AMOTL1: variants seen among roughly 807,000 people sequenced by gnomAD.
The protein encoded by AMOTL1 is angiomotin like 1, also known as angiomotin-like protein 1.
AMOTL1 carries 45 observed loss-of-function variants against 102.9 expected under a neutral mutation model. The observed-to-expected ratio is 0.44, with a 90% CI of 0.34 to 0.56. The LOEUF (loss-of-function observed/expected upper bound fraction) is 0.56. Among genes scored for constraint, AMOTL1 ranks in the 20% least tolerant of loss-of-function variants. The pLI is 0.01. For synonymous variants in AMOTL1, 481 were observed against 484.7 expected, an observed-to-expected ratio of 0.99 and a Z score of 0.10; for missense variants, 1,114 against 1,225.6, an observed-to-expected ratio of 0.91 and a Z score of 1.36.
intron 2 of AMOTL1, among the ~76,000 whole-genome samples, chr11:94,797,524 G>T (rs1394352739): frequency 2.6e-5 from 4 of 152,154 alleles, no homozygotes; most frequent in Non-Finnish European, 4.4e-5. Flanking sequence ...ATAAATAATT[G>T]CCATCTACTG....
At chr11:94,709,975 G>A (rs181468474) in intron 1 of AMOTL1, among the ~76,000 whole-genome samples, 32 of 152,218 alleles carry the variant, frequency 2.1e-4, no homozygotes, top group Middle Eastern at 3.4e-3. Context: ...AAAAAGACTC[G>A]AGAAAGAGAC....
rs1185013023 is a variant in AMOTL1 at position 94,830,141 on chromosome 11, A to G, written c.1505A>G (p.Asn502Ser). 6.2e-6 allele frequency: 10 copies of G among 1,611,140 alleles called. No homozygotes were observed. In the African/African-American group the frequency reaches 1.1e-4, roughly 17 times the overall value. ...KRESLDKAMR[N>S]KLEGEIRRLH... ...GAATCGCTGGACAAGGCCATGAGAAACAAATTGGAAGGCGAGATTAGAAGA... is the reference window on the plus strand; with the variant it reads ...GAATCGCTGGACAAGGCCATGAGAAGCAAATTGGAAGGCGAGATTAGAAGA... Residue 502 changes from asparagine (N) to serine (S), a missense_variant, in exon 5 of 13, where the codon AAC becomes AGC. By Grantham distance (46) the Asn-to-Ser change is conservative (BLOSUM62 1). Transcript: ENST00000433060.
chr11:94,860,194 A>G (rs1952748986), intron 9 of AMOTL1, among the ~76,000 whole-genome samples: 1 of 152,230 alleles, frequency 6.6e-6, no homozygotes, highest in Non-Finnish European at 1.5e-5. Context: ...GATAATCCCC[A>G]TAGCAGCCCT....
intron 3 of AMOTL1, among the ~76,000 whole-genome samples, chr11:94,803,946 C>T (rs777178857): frequency 5.1e-4 from 78 of 152,268 alleles, no homozygotes; most frequent in Middle Eastern, 3.4e-3. Context: ...TTAGTATCCT[C>T]GCTTTTGAAA....
intron 1 of AMOTL1, 150 bp downstream of exon 1, chr11:94,768,710 A>C: frequency 7.9e-7 from 1 of 1,262,134 alleles, no homozygotes; most frequent in Non-Finnish European, 1.1e-6. Context: ...TGTTGTTTTT[A>C]AGCGGGTTCC....
chr11:94,869,560 A>G, intron 12 of AMOTL1, 87 bp downstream of exon 12: 1 of 1,430,796 alleles, frequency 7.0e-7, no homozygotes, highest in Non-Finnish European at 9.3e-7. Context: ...GAGAGGAAGC[A>G]GGGGCACCCA....
chr11:94,766,894 G>C (rs1950861225), upstream of AMOTL1, among the ~76,000 whole-genome samples: 1 of 152,116 alleles, frequency 6.6e-6, no homozygotes, highest in Non-Finnish European at 1.5e-5. Context: ...GCCTTCCCTT[G>C]TTTTCTCCTC....
At chr11:94,741,503 C>T (rs1006074902) in intron 3 of AMOTL1, among the ~76,000 whole-genome samples, 2 of 152,156 alleles carry the variant, frequency 1.3e-5, no homozygotes, top group East Asian at 1.9e-4. Context: ...CTGCTTCCCT[C>T]CCTGATTTCT....
At chr11:94,865,096 G>A (rs759959893) in intron 10 of AMOTL1, among the ~76,000 whole-genome samples, 13 of 152,126 alleles carry the variant, frequency 8.5e-5, no homozygotes, top group East Asian at 5.8e-4. Flanking sequence ...GTCACCTGCC[G>A]GTTTTAAGAT....
chr11:94,814,936 A>C (rs1266092975), intron 3 of AMOTL1, among the ~76,000 whole-genome samples: 2 of 152,184 alleles, frequency 1.3e-5, no homozygotes, highest in African/African-American at 2.4e-5. Context: ...CCTAATACAG[A>C]GCTTAGCACT....
rs530991985 is a variant in AMOTL1 at position 94,832,034 on chromosome 11, A to G, written c.1648+493A>G. Among the ~76,000 whole-genome samples, 6 of 152,312 alleles carry G rather than the reference A, an allele frequency of 3.9e-5. No individual in the cohort carries two copies. The South Asian group carries it at 1.2e-3, about 32-fold the overall frequency. On this transcript the variant is annotated intron_variant, in intron 6 of 12. Coordinates refer to ENST00000433060, the MANE Select transcript of AMOTL1 (RefSeq NM_130847.3). The stretch of plus-strand genomic sequence containing the variant: ...ACACTCATTTCCAGAAGCCACTGAG[A>G]CCATTTCAGCCAGGAATAATGAACA...
chr11:94,807,409 A>G (rs1191252345), intron 3 of AMOTL1, among the ~76,000 whole-genome samples: 1 of 152,182 alleles, frequency 6.6e-6, no homozygotes, highest in African/African-American at 2.4e-5. Context: ...GAATATTAAA[A>G]TAACAATGCT....
At chr11:94,796,971 G>A in intron 2 of AMOTL1, 2 of 985,278 alleles carry the variant, frequency 2.0e-6, no homozygotes, top group South Asian at 9.4e-5. Flanking sequence ...TGTAGACTGA[G>A]AAAAACGAGC....
At chr11:94,726,879 C>T (rs1205874904) in intron 1 of AMOTL1, among the ~76,000 whole-genome samples, 3 of 152,132 alleles carry the variant, frequency 2.0e-5, no homozygotes, top group African/African-American at 7.2e-5. Flanking sequence ...TGTTTGATGC[C>T]ATTTCATTTT....
chr11:94,850,045 C>T (rs1017047930), intron 6 of AMOTL1, 69 bp from the exon 7 acceptor site: 28 of 1,474,226 alleles, frequency 1.9e-5, no homozygotes, highest in African/African-American at 4.2e-5. Context: ...TGCCAGATGT[C>T]GACTGGCCGT....
chr11:94,717,065 C>T (rs1483042651), intron 1 of AMOTL1, among the ~76,000 whole-genome samples: 1 of 151,804 alleles, frequency 6.6e-6, no homozygotes, highest in Non-Finnish European at 1.5e-5. Flanking sequence ...TTGTAAGCCT[C>T]CCTGGTGCTC....
Position 94,799,876 on chromosome 11 carries a change from G to A in AMOTL1, c.686G>A (p.Arg229Gln), listed in dbSNP as rs777229382. ...YMAGGTSQKS[R>Q]TEGRPTVNRA... ...GCAGGGGGCACCAGTCAGAAGTCCC[G>A]AACTGAGGGGAGGCCCACTGTGAAC... Residue 229 changes from arginine (R) to glutamine (Q), a missense_variant, in exon 3 of 13, where the codon CGA (arginine) becomes CAA (glutamine). By Grantham distance (43) the Arg-to-Gln change is conservative. Coordinates refer to ENST00000433060, the MANE Select transcript of AMOTL1 (RefSeq NM_130847.3). This position sits in a 1 kb window ranked among gnomAD's most constrained non-coding sequence, Gnocchi z 4.5. 24 of 1,594,978 alleles carry A rather than the reference G, an allele frequency of 1.5e-5. No individual in the cohort carries two copies. Among genetic ancestry groups the A allele is most frequent in the Admixed American group, 5.1e-5 (3 of 58,780 alleles).
intron 1 of AMOTL1, among the ~76,000 whole-genome samples, chr11:94,783,722 CTGCTT>C (rs1951142423): frequency 6.6e-6 from 1 of 152,188 alleles, no homozygotes; most frequent in Non-Finnish European, 1.5e-5. Context: ...AGACAGTTTT[CTGCTT>C]TATGTGTTTG....
At chr11:94,725,003 C>T (rs1390842762) in intron 1 of AMOTL1, among the ~76,000 whole-genome samples, 5 of 152,246 alleles carry the variant, frequency 3.3e-5, no homozygotes, top group Middle Eastern at 3.4e-3. Context: ...AGTCAATGTA[C>T]GACCAGGGTT....
Sources: gnomAD v4.1 joint callset for allele counts (sites outside exome capture counted in the v4.1 genomes callset) on GRCh38, gnomAD v4.1.1 for gene constraint, Gnocchi (gnomAD v3.1) non-coding constraint, MANE v1.5 for transcripts, NCBI Gene and HGNC (gene_info 2026-07-23, HGNC 2026-07-21) for gene names.